GRIP1: variants seen among roughly 807,000 people sequenced by gnomAD.
GRIP1 encodes the protein glutamate receptor-interacting protein 1.
GRIP1 carries 45 observed loss-of-function variants against 129.9 expected under a neutral mutation model. The ratio of observed to expected loss-of-function variants is 0.35; its 90% confidence interval spans 0.27 to 0.44. The LOEUF (loss-of-function observed/expected upper bound fraction) is 0.44. Ranked by LOEUF, GRIP1 falls within the 20% of genes least tolerant of loss-of-function variation. The pLI is 1.00. For synonymous variants in GRIP1, 530 were observed against 520.8 expected, an observed-to-expected ratio of 1.02 and a Z score of -0.24; for missense variants, 1,196 against 1,396.8, an observed-to-expected ratio of 0.86 and a Z score of 2.29.
intron 23 of GRIP1, among the ~76,000 whole-genome samples, chr12:66,366,851 T>C (rs2055181051): frequency 9.2e-6 from 1 of 109,186 alleles, no homozygotes; most frequent in African/African-American, 3.5e-5. Context: ...GCCCGGCTAA[T>C]TTTTTCATTT....
intron 1 of GRIP1, among the ~76,000 whole-genome samples, chr12:66,945,359 C>T (rs1286726920): frequency 6.6e-6 from 1 of 152,120 alleles, no homozygotes; most frequent in Admixed American, 6.5e-5. Context: ...CCTGCACTAA[C>T]CTGTTCTTGT....
At chr12:66,676,393 A>G (rs954439802) in intron 1 of GRIP1, among the ~76,000 whole-genome samples, 2 of 152,160 alleles carry the variant, frequency 1.3e-5, no homozygotes, top group African/African-American at 4.8e-5. Flanking sequence ...GGTGATATCA[A>G]CCACAAATAG....
At chr12:66,350,391 G>C (rs141069970) in intron 24 of GRIP1, among the ~76,000 whole-genome samples, 2,040 of 152,198 alleles carry the variant, frequency 0.013, 108 homozygotes, top group Admixed American at 0.089. Context: ...CAGCTACTTG[G>C]GAGCTGGCTG....
intron 2 of GRIP1, among the ~76,000 whole-genome samples, chr12:66,543,465 C>A (rs528616539): frequency 6.6e-6 from 1 of 152,146 alleles, no homozygotes; most frequent in South Asian, 2.1e-4. Flanking sequence ...CATGAAAGTA[C>A]AGGACCTTTT....
chr12:66,973,380 T>A (rs1212234087), intron 1 of GRIP1, among the ~76,000 whole-genome samples: 1 of 26,166 alleles, frequency 3.8e-5, no homozygotes, highest in East Asian at 3.0e-4. Context: ...TTTTCATTCT[T>A]TTTTTTTTTT....
At chr12:66,920,727 T>C (rs1034716459) in intron 1 of GRIP1, among the ~76,000 whole-genome samples, 3 of 152,190 alleles carry the variant, frequency 2.0e-5, no homozygotes, top group Non-Finnish European at 4.4e-5. Flanking sequence ...TAAAACTTTA[T>C]CATCTTGGGG....
At chr12:66,880,286 A>AG (rs763588843) in intron 1 of GRIP1, among the ~76,000 whole-genome samples, 1 of 152,170 alleles carries the variant, frequency 6.6e-6, no homozygotes, top group Non-Finnish European at 1.5e-5. Context: ...TGCTAAAAAA[A>AG]GGGAGTTGGG....
intron 1 of GRIP1, among the ~76,000 whole-genome samples, chr12:66,690,539 G>A (rs1316543840): frequency 6.6e-6 from 1 of 151,334 alleles, no homozygotes; most frequent in Non-Finnish European, 1.5e-5. Context: ...ATATATACCC[G>A]CAAGTGGGAT....
chr12:67,006,062 A>G (rs2042621718), intron 1 of GRIP1, among the ~76,000 whole-genome samples: 3 of 152,206 alleles, frequency 2.0e-5, no homozygotes, highest in South Asian at 2.1e-4. Context: ...GGTAGCATCA[A>G]TGCTTTTAAT....
At chr12:66,726,956 G>A (rs1055383465) in intron 1 of GRIP1, among the ~76,000 whole-genome samples, 7 of 152,208 alleles carry the variant, frequency 4.6e-5, no homozygotes, top group African/African-American at 1.7e-4. Context: ...AATGCAGTAT[G>A]TAGTTCAGTT....
chr12:66,741,879 A>C (rs998710946), intron 1 of GRIP1, among the ~76,000 whole-genome samples: 1 of 152,198 alleles, frequency 6.6e-6, no homozygotes, highest in Non-Finnish European at 1.5e-5. Context: ...TCCCATCTTT[A>C]GAAAACAGCC....
At chr12:66,508,563 T>C (rs1157504551) in intron 7 of GRIP1, among the ~76,000 whole-genome samples, 1 of 152,140 alleles carries the variant, frequency 6.6e-6, no homozygotes, top group African/African-American at 2.4e-5. Flanking sequence ...GGGAGATGGA[T>C]TTGACCTGGG....
At chr12:66,678,767 T>A in intron 1 of GRIP1, 83 bp downstream of exon 1, 1 of 1,264,380 alleles carries the variant, frequency 7.9e-7, no homozygotes. Flanking sequence ...AAGGCAGTCA[T>A]ATTTGAAAGT....
intron 1 of GRIP1, among the ~76,000 whole-genome samples, chr12:66,915,726 A>C (rs1471879799): frequency 6.6e-6 from 1 of 152,232 alleles, no homozygotes; most frequent in Admixed American, 6.5e-5. Context: ...TGAGGCCTCA[A>C]GCCTGACTTT....
At chr12:66,912,254 T>C (rs1177293535) in intron 1 of GRIP1, among the ~76,000 whole-genome samples, 1 of 152,146 alleles carries the variant, frequency 6.6e-6, no homozygotes, top group Non-Finnish European at 1.5e-5. Context: ...CTAACACACA[T>C]ATAATGTTAT....
chr12:66,471,738 A>G (rs965652197), intron 7 of GRIP1, among the ~76,000 whole-genome samples: 3 of 152,244 alleles, frequency 2.0e-5, no homozygotes, highest in African/African-American at 7.2e-5. Context: ...GGTAAATGAT[A>G]TAATGGATAA....
In GRIP1 at chr12:66,494,036, C is replaced by T. The variant is rs538798100; in HGVS notation, c.724+21583G>A. On this transcript the variant is annotated intron_variant, in intron 7 of 24. Coordinates refer to ENST00000359742, the MANE Select transcript of GRIP1 (RefSeq NM_001366722.1). The stretch of plus-strand genomic sequence containing the variant: ...GATTCCAGGAAAAGTATGCCTCACT[C>T]CCTTAGGCTGAGTAGCTTTACCATA... 1.7e-4 allele frequency among the ~76,000 whole-genome samples: 26 copies of T among 152,256 alleles called. No homozygotes were observed. In the South Asian group the frequency reaches 3.7e-3, roughly 22 times the overall value.
chr12:66,598,799 G>A (rs904948257), intron 1 of GRIP1, among the ~76,000 whole-genome samples: 13 of 152,112 alleles, frequency 8.5e-5, no homozygotes, highest in African/African-American at 1.9e-4. Flanking sequence ...GCTTAGGTAC[G>A]GCATCTTGGA....
At chr12:66,581,342 G>T (rs946726957) in intron 2 of GRIP1, among the ~76,000 whole-genome samples, 9 of 151,250 alleles carry the variant, frequency 6.0e-5, no homozygotes, top group Admixed American at 2.6e-4. Context: ...ACAATTAAAA[G>T]AACTAGAAAA....
Sources: allele counts gnomAD v4.1 joint callset (sites outside exome capture counted in the v4.1 genomes callset), GRCh38; gene constraint gnomAD v4.1.1; transcripts MANE v1.5; gene names NCBI Gene and HGNC (gene_info 2026-07-23, HGNC 2026-07-21).